PMEPA1: variants seen among roughly 807,000 people sequenced by gnomAD.
PMEPA1 encodes the protein prostate transmembrane protein, androgen induced 1.
Under a neutral mutation model 23.0 loss-of-function variants are expected in PMEPA1, and 11 were observed. The observed-to-expected ratio is 0.48, with a 90% confidence interval of 0.30 to 0.79. PMEPA1 has a LOEUF of 0.79. PMEPA1 is among the 30% of genes least tolerant of loss of function. PMEPA1 has a pLI of 0.06. For synonymous variants in PMEPA1, 204 were observed against 166.4 expected, an observed-to-expected ratio of 1.23 and a Z score of -1.74; for missense variants, 377 against 390.9, an observed-to-expected ratio of 0.96 and a Z score of 0.30.
rs977790589 is a variant in PMEPA1 at position 57,704,808 on chromosome 20, C to T, written c.109+4666G>A. Among the ~76,000 whole-genome samples the T allele has an allele frequency of 6.6e-6, 1 of 152,202 alleles. No homozygotes were observed. Among genetic ancestry groups the T allele is most frequent in the Non-Finnish European group, 1.5e-5 (1 of 68,036 alleles). ...CATGTGGGCACACCTGACCCCGTGG[C>T]TCTGGGGCAATTTGGTGGCGGGTGC... On this transcript the variant is annotated intron_variant, in intron 1 of 3. Transcript: ENST00000341744. The surrounding 1 kb of genome is among the most constrained non-coding windows in gnomAD (Gnocchi z 4.6).
At chr20:57,686,413 T>C (rs1237550808) in intron 1 of PMEPA1, among the ~76,000 whole-genome samples, 1 of 151,978 alleles carries the variant, frequency 6.6e-6, no homozygotes, top group East Asian at 1.9e-4. Context: ...TTCCTTCCTG[T>C]CCTCCCTTCC....
chr20:57,669,584 G>A (rs1188666844), intron 1 of PMEPA1, among the ~76,000 whole-genome samples: 1 of 152,220 alleles, frequency 6.6e-6, no homozygotes, highest in Non-Finnish European at 1.5e-5. Flanking sequence ...ACCACCCTGG[G>A]AAGCACAGCC....
At chr20:57,698,013 TG>T (rs2071963622) in intron 1 of PMEPA1, among the ~76,000 whole-genome samples, 2 of 152,340 alleles carry the variant, frequency 1.3e-5, no homozygotes, top group South Asian at 2.1e-4. Flanking sequence ...ATTTGTTTCA[TG>T]GTAGGTCCAG....
Position 57,682,581 on chromosome 20 carries a change from TG to T in PMEPA1, c.110-22885del, listed in dbSNP as rs900881185. On this transcript the variant is annotated intron_variant, in intron 1 of 3. Coordinates refer to ENST00000341744, the MANE Select transcript of PMEPA1 (RefSeq NM_020182.5). This position sits in a 1 kb window ranked among gnomAD's most constrained non-coding sequence, Gnocchi z 4.4. ...GCTCCCGTGCCCACCGCCCCACACC[TG>T]GAAGACGAAAGGACACGAGAAGGAG... Among the ~76,000 whole-genome samples the T allele has an allele frequency of 5.9e-5, 9 of 152,194 alleles. No homozygotes were observed. Among genetic ancestry groups the T allele is most frequent in the African/African-American group, 2.2e-4 (9 of 41,524 alleles).
chr20:57,703,318 A>T (rs35317673), intron 1 of PMEPA1, among the ~76,000 whole-genome samples: 1 of 152,224 alleles, frequency 6.6e-6, no homozygotes, highest in Non-Finnish European at 1.5e-5. Context: ...CCTGTTAAAA[A>T]TTTCAATTGA....
intron 1 of PMEPA1, among the ~76,000 whole-genome samples, chr20:57,667,763 C>T (rs937455380): frequency 3.9e-5 from 6 of 152,216 alleles, no homozygotes; most frequent in African/African-American, 1.4e-4. Flanking sequence ...TTCTGCAGAG[C>T]CCCAGCGGCC....
intron 1 of PMEPA1, among the ~76,000 whole-genome samples, chr20:57,699,859 G>A (rs892547876): frequency 5.9e-5 from 9 of 152,338 alleles, no homozygotes; most frequent in East Asian, 1.9e-4. Flanking sequence ...TGGGATGTCC[G>A]TGGTGGACTC....
intron 1 of PMEPA1, among the ~76,000 whole-genome samples, chr20:57,696,252 T>C (rs574734559): frequency 4.7e-4 from 72 of 152,266 alleles, no homozygotes; most frequent in African/African-American, 1.3e-3. Flanking sequence ...GGTGGGCTCG[T>C]CCCTGCCTAG....
At chr20:57,673,789 C>T (rs1349273054) in intron 1 of PMEPA1, among the ~76,000 whole-genome samples, 1 of 152,220 alleles carries the variant, frequency 6.6e-6, no homozygotes, top group Non-Finnish European at 1.5e-5. Context: ...CAGAGCAGTA[C>T]AGAGGCTCAC....
chr20:57,654,929 A>T (rs1053541883), intron 2 of PMEPA1, among the ~76,000 whole-genome samples: 1 of 151,172 alleles, frequency 6.6e-6, no homozygotes, highest in African/African-American at 2.4e-5. Flanking sequence ...AAGTGGGAAC[A>T]TCTCCCTCAT....
intron 1 of PMEPA1, among the ~76,000 whole-genome samples, chr20:57,660,461 CACA>C (rs2071399055): frequency 2.7e-5 from 4 of 150,374 alleles, no homozygotes; most frequent in Non-Finnish European, 4.4e-5. Context: ...CACTCCTACA[CACA>C]AAACACCCCA....
intron 1 of PMEPA1, among the ~76,000 whole-genome samples, chr20:57,667,633 CCT>C (rs2071512817): frequency 6.6e-6 from 1 of 152,174 alleles, no homozygotes; most frequent in Non-Finnish European, 1.5e-5. Context: ...TGCATGGGGC[CCT>C]GTCTGGCCTC....
intron 1 of PMEPA1, among the ~76,000 whole-genome samples, chr20:57,685,169 T>C (rs144986714): frequency 6.7e-6 from 1 of 149,060 alleles, no homozygotes; most frequent in Non-Finnish European, 1.5e-5. Context: ...AGAGGACAAT[T>C]AAAAAAAGAA....
chr20:57,707,542 A>G (rs1231596369), intron 1 of PMEPA1, among the ~76,000 whole-genome samples: 1 of 152,182 alleles, frequency 6.6e-6, no homozygotes, highest in Non-Finnish European at 1.5e-5. Flanking sequence ...CGGCGGGGCA[A>G]AGTGCAGAGG....
Position 57,683,403 on chromosome 20 carries a change from G to A in PMEPA1, c.110-23706C>T, listed in dbSNP as rs935203861. On this transcript the variant is annotated intron_variant, in intron 1 of 3. Transcript: ENST00000341744. This position sits in a 1 kb window ranked among gnomAD's most constrained non-coding sequence, Gnocchi z 4.3. ...ACTCCAGGAAAGACCCAATTACAGC[G>A]CAGACGCATCTGCCAGCCTGAGGAT... Among the ~76,000 whole-genome samples, 16 of 152,214 alleles carry A rather than the reference G, an allele frequency of 1.1e-4. No homozygotes were observed. Among genetic ancestry groups the A allele is most frequent in the East Asian group, 7.7e-4 (4 of 5,180 alleles).
intron 1 of PMEPA1, among the ~76,000 whole-genome samples, chr20:57,705,544 G>A (rs188821167): frequency 1.2e-4 from 19 of 152,286 alleles, no homozygotes; most frequent in Admixed American, 5.9e-4. Context: ...AGACGAAAAC[G>A]GGAAAACTTC....
chr20:57,653,548 T>A (rs1365925998), intron 2 of PMEPA1, among the ~76,000 whole-genome samples: 2 of 152,244 alleles, frequency 1.3e-5, no homozygotes, highest in Non-Finnish European at 2.9e-5. Context: ...TTCTTGAGAT[T>A]ACAGTACTTG....
intron 1 of PMEPA1, among the ~76,000 whole-genome samples, chr20:57,699,708 A>G (rs946530115): frequency 1.3e-5 from 2 of 152,188 alleles, no homozygotes; most frequent in African/African-American, 2.4e-5. Flanking sequence ...AATTTCTGAA[A>G]AACCGATTCA....
Position 57,696,294 on chromosome 20 carries a change from G to C in PMEPA1, c.109+13180C>G, listed in dbSNP as rs560461122. On this transcript the variant is annotated intron_variant, in intron 1 of 3. Transcript: ENST00000341744. ...GAGGCACAGGCTTCAGGAAGAAAGA[G>C]GTATGAGCCTGGGCGCCCCTGGGGC... 2.0e-5 allele frequency among the ~76,000 whole-genome samples: 3 copies of C among 152,298 alleles called. No homozygotes were observed. In the South Asian group the frequency reaches 6.2e-4, roughly 32 times the overall value.
Sources: gnomAD v4.1 joint callset for allele counts (sites outside exome capture counted in the v4.1 genomes callset) on GRCh38, gnomAD v4.1.1 for gene constraint, Gnocchi (gnomAD v3.1) non-coding constraint, MANE v1.5 for transcripts, NCBI Gene and HGNC (gene_info 2026-07-23, HGNC 2026-07-21) for gene names.